AGMO: variants seen among roughly 807,000 people sequenced by gnomAD.
AGMO encodes alkylglycerol monooxygenase, also known as glyceryl-ether monooxygenase.
In AGMO, 75 loss-of-function variants were observed where a neutral mutation model predicts 60.2. The ratio of observed to expected loss-of-function variants is 1.25; its 90% CI spans 1.03 to 1.51. The LOEUF (loss-of-function observed/expected upper bound fraction) is 1.51. AGMO is among the 40% of genes most tolerant of loss of function. The pLI, the probability that AGMO is intolerant of heterozygous loss-of-function variation, is 0.00. For missense variants in AGMO, 763 were observed against 525.5 expected, an observed-to-expected ratio of 1.45 and a Z score of -4.42; for synonymous variants, 261 against 177.1, an observed-to-expected ratio of 1.47 and a Z score of -3.76.
At chr7:15,407,708 A>G (rs1022219381) in intron 5 of AGMO, among the ~76,000 whole-genome samples, 2 of 151,896 alleles carry the variant, frequency 1.3e-5, no homozygotes, top group Non-Finnish European at 2.9e-5. Flanking sequence ...ATTAAAATTT[A>G]TGTGTGTGTA....
At position 15,387,396 on chromosome 7, in the gene AGMO, C is replaced by T. The variant is rs895038692; in HGVS notation, c.957+10G>A. The T allele has an allele frequency of 6.2e-6, 10 of 1,609,786 alleles. No individual in the cohort carries two copies. The highest frequency in any genetic ancestry group is 2.2e-5 in the East Asian group (1 of 44,750). ...TCTTCACCATCTCCAATTCTGTGAA[C>T]TCTATTTACCTCTGGAATTTCTTCA... On this transcript the variant is annotated intron_variant, in intron 9 of 12. Transcript: ENST00000342526.
chr7:15,252,009 A>G (rs1257534505), intron 12 of AGMO, among the ~76,000 whole-genome samples: 1 of 152,188 alleles, frequency 6.6e-6, no homozygotes, highest in African/African-American at 2.4e-5. Context: ...ATCAAGGGTC[A>G]TTATTAGCAT....
chr7:15,248,688 T>C (rs1401560562), intron 12 of AGMO, among the ~76,000 whole-genome samples: 1 of 152,164 alleles, frequency 6.6e-6, no homozygotes, highest in East Asian at 1.9e-4. Context: ...CCCATGGCTA[T>C]TTTTGGGCTA....
chr7:15,415,947 GT>G (rs1194925335), intron 5 of AGMO, among the ~76,000 whole-genome samples: 1 of 150,998 alleles, frequency 6.6e-6, no homozygotes, highest in Non-Finnish European at 1.5e-5. Context: ...ACAGAGTAGA[GT>G]TTCAAGCCAA....
At chr7:15,238,503 G>A (rs543101137) in intron 12 of AGMO, among the ~76,000 whole-genome samples, 1 of 151,408 alleles carries the variant, frequency 6.6e-6, no homozygotes, top group African/African-American at 2.4e-5. Context: ...ATTATACACA[G>A]GTATCAAAAT....
At chr7:15,313,796 A>G (rs1225276945) in intron 12 of AGMO, among the ~76,000 whole-genome samples, 1 of 152,024 alleles carries the variant, frequency 6.6e-6, no homozygotes, top group Non-Finnish European at 1.5e-5. Context: ...ACATAGTAAA[A>G]TATTAATAAC....
At chr7:15,186,890 A>G in the AGMO span, among the ~76,000 whole-genome samples, 1 of 152,160 alleles carries the variant, frequency 6.6e-6, no homozygotes, top group African/African-American at 2.4e-5. Flanking sequence ...GTAGACTTCC[A>G]GGCTTGGCTC....
chr7:15,499,342 A>G (rs537887776), intron 3 of AGMO, among the ~76,000 whole-genome samples: 2 of 152,034 alleles, frequency 1.3e-5, no homozygotes, highest in African/African-American at 4.8e-5. Context: ...AAAACTTTGA[A>G]GCAAACCCTC....
chr7:15,172,417 A>T, the AGMO span, among the ~76,000 whole-genome samples: 1 of 152,310 alleles, frequency 6.6e-6, no homozygotes, highest in South Asian at 2.1e-4. Flanking sequence ...TCCCACAGAG[A>T]GGGCCACAAC....
chr7:15,459,449 G>A lies in AGMO; in HGVS notation c.410-28341C>T, dbSNP rs548005554. On this transcript the variant is annotated intron_variant, in intron 3 of 12. Transcript: ENST00000342526. ...AGGGAGGGAAGAGTGGTTATGTTCC[G>A]AATGCTCTCATTTCCTGCCCTCTCC... Among the ~76,000 whole-genome samples the A allele has an allele frequency of 2.2e-3, 337 of 152,196 alleles. 3 individuals are homozygous for A. Among genetic ancestry groups the A allele is most frequent in the Non-Finnish European group, 4.0e-3 (269 of 67,998 alleles).
At chr7:15,457,111 C>T (rs1782018344) in intron 3 of AGMO, among the ~76,000 whole-genome samples, 1 of 152,034 alleles carries the variant, frequency 6.6e-6, no homozygotes, top group Admixed American at 6.6e-5. Flanking sequence ...GCTTTTTAAA[C>T]AATGAACTTT....
intron 10 of AGMO, among the ~76,000 whole-genome samples, chr7:15,380,967 A>G (rs1250056209): frequency 6.6e-6 from 1 of 152,222 alleles, no homozygotes; most frequent in African/African-American, 2.4e-5. Flanking sequence ...TGCTGGGATA[A>G]CTGCCTAGCC....
intron 3 of AGMO, among the ~76,000 whole-genome samples, chr7:15,495,400 T>G (rs1783194319): frequency 6.6e-6 from 1 of 152,176 alleles, no homozygotes; most frequent in African/African-American, 2.4e-5. Context: ...TTCTGATTCA[T>G]TGACTCGTAT....
intron 3 of AGMO, among the ~76,000 whole-genome samples, chr7:15,469,544 T>G (rs1165419472): frequency 6.6e-6 from 1 of 152,154 alleles, no homozygotes; most frequent in Non-Finnish European, 1.5e-5. Flanking sequence ...TCAGCTGTGT[T>G]CCTCACGCCC....
chr7:15,444,394 G>A (rs1416784982), intron 3 of AGMO, among the ~76,000 whole-genome samples: 1 of 152,146 alleles, frequency 6.6e-6, no homozygotes, highest in Non-Finnish European at 1.5e-5. Context: ...TCCAGCATGA[G>A]AAAAGAATGA....
At chr7:15,364,314 A>T (rs1269376430) in intron 12 of AGMO, among the ~76,000 whole-genome samples, 2 of 152,106 alleles carry the variant, frequency 1.3e-5, no homozygotes, top group African/African-American at 4.8e-5. Flanking sequence ...ACAATAAAAT[A>T]CATTTATATA....
the AGMO span, among the ~76,000 whole-genome samples, chr7:15,188,506 G>A: frequency 6.6e-6 from 1 of 152,158 alleles, no homozygotes; most frequent in Admixed American, 6.5e-5. Context: ...TGAGTCTGTA[G>A]TTAAAGAGAG....
intron 12 of AGMO, among the ~76,000 whole-genome samples, chr7:15,354,931 G>T (rs1403440519): frequency 6.6e-6 from 1 of 151,872 alleles, no homozygotes; most frequent in African/African-American, 2.4e-5. Flanking sequence ...GCATATAAAA[G>T]GGATACAATC....
At chr7:15,481,019 T>C (rs1265071854) in intron 3 of AGMO, among the ~76,000 whole-genome samples, 1 of 140,880 alleles carries the variant, frequency 7.1e-6, no homozygotes, top group Non-Finnish European at 1.5e-5. Context: ...TTAACATGTT[T>C]ATATACATAT....
Sources: gnomAD v4.1 joint callset for allele counts (sites outside exome capture counted in the v4.1 genomes callset) on GRCh38, gnomAD v4.1.1 for gene constraint, MANE v1.5 for transcripts, NCBI Gene and HGNC (gene_info 2026-07-23, HGNC 2026-07-21) for gene names.